The following PIEZO2 variants were observed in gnomAD, a reference collection of about 807,000 sequenced individuals.
PIEZO2 encodes the protein piezo-type mechanosensitive ion channel component 2.
PIEZO2 carries 172 observed loss-of-function variants against 337.3 expected under a neutral mutation model. That is an observed-to-expected ratio of 0.51 (90% confidence interval 0.45 to 0.58). The LOEUF (loss-of-function observed/expected upper bound fraction) is 0.58, where lower values mean the gene tolerates loss of function less well. PIEZO2 is among the 20% of genes least tolerant of loss of function. The probability of loss-of-function intolerance (pLI) is 0.00; values close to 1 mark genes in which losing one functional copy is unlikely to be tolerated. For missense variants in PIEZO2, 3,028 were observed against 3,391.3 expected (o/e 0.89, Z 2.66); for synonymous variants, 1,251 against 1,228.5 (o/e 1.02, Z -0.38).
At chr18:10,704,277 G>C in intron 42 of PIEZO2, 117 bp downstream of exon 42, 1 of 1,325,954 alleles carries the variant, frequency 7.5e-7, no homozygotes, top group Non-Finnish European at 1.0e-6. Flanking sequence ...CATGTTCCAT[G>C]TGAAACTGTC....
Position 10,773,882 on chromosome 18 carries a change from G to A in PIEZO2, c.2567+124C>T. 1 of 636,138 alleles carries A rather than the reference G, an allele frequency of 1.6e-6. No individual in the cohort carries two copies. Among genetic ancestry groups the A allele is most frequent in the East Asian group, 2.7e-5 (1 of 36,818 alleles). 39.4% of individuals were successfully genotyped at this position (636,138 alleles called of 1,614,324 possible). On this transcript the variant is annotated intron_variant, in intron 19 of 55. Coordinates refer to ENST00000674853, the MANE Select transcript of PIEZO2 (RefSeq NM_001378183.1). This position sits in a 1 kb window ranked among gnomAD's most constrained non-coding sequence, Gnocchi z 5.3. ...CGGGTTCTAGTGATTAGTTGGTAAT[G>A]AGAGCTATCAACACCTAAACTTGAC...
At chr18:11,088,984 C>T (rs140922986) in intron 1 of PIEZO2, among the ~76,000 whole-genome samples, 164 of 152,292 alleles carry the variant, frequency 1.1e-3, no homozygotes, top group African/African-American at 3.4e-3. Context: ...GTTTAAATTA[C>T]CATAGAAACC....
At position 10,795,037 on chromosome 18, in the gene PIEZO2, C is replaced by A; in HGVS notation, c.1528-35G>T. 1 of 1,504,106 alleles carries A rather than the reference C, an allele frequency of 6.6e-7. No homozygotes were observed. 93.2% of individuals were successfully genotyped at this position (1,504,106 alleles called of 1,614,324 possible). On this transcript the variant is annotated intron_variant, in intron 12 of 55. Transcript: ENST00000674853. This position sits in a 1 kb window ranked among gnomAD's most constrained non-coding sequence, Gnocchi z 4.4. ...ACAGAAAAGGAAACACGACCATGGT[C>A]AATACAATGCTCAGTCCCCCCCGCC... is the stretch of plus-strand genomic sequence containing the variant.
chr18:10,748,011 C>T lies in PIEZO2; in HGVS notation c.4424+460G>A, dbSNP rs1256713686. 6.6e-6 allele frequency among the ~76,000 whole-genome samples: 1 copy of T among 151,868 alleles called. No individual in the cohort carries two copies. The highest frequency in any genetic ancestry group is 1.5e-5 in the Non-Finnish European group (1 of 67,986). ...GTCTTTTTTCCTAAACTTACAAGAG[C>T]AGGGGCAAAAACTGGAAGAAGAATG... On this transcript the variant is annotated intron_variant, in intron 30 of 55. Transcript: ENST00000674853. This position sits in a 1 kb window ranked among gnomAD's most constrained non-coding sequence, Gnocchi z 5.1.
intron 2 of PIEZO2, among the ~76,000 whole-genome samples, chr18:10,985,589 C>G (rs1302373997): frequency 6.6e-6 from 1 of 152,018 alleles, no homozygotes; most frequent in Non-Finnish European, 1.5e-5. Flanking sequence ...ATTACTATAG[C>G]TTCGTAATAC....
At position 11,127,103 on chromosome 18, in the gene PIEZO2, C is replaced by A. The variant is rs1338436750; in HGVS notation, c.64+21422G>T. On this transcript the variant is annotated intron_variant, in intron 1 of 55. Transcript: ENST00000674853. The surrounding 1 kb of genome is among the most constrained non-coding windows in gnomAD (Gnocchi z 4.5). ...AGGCAGATATTACTAACCAAACTCA[C>A]TAACATGAAAGAATTGAGACAGAGT... Among the ~76,000 whole-genome samples the A allele has an allele frequency of 6.6e-6, 1 of 152,048 alleles. No homozygotes were observed. The highest frequency in any genetic ancestry group is 1.5e-5 in the Non-Finnish European group (1 of 68,004).
At chr18:10,694,424 T>C (rs2034994882) in intron 47 of PIEZO2, among the ~76,000 whole-genome samples, 1 of 152,214 alleles carries the variant, frequency 6.6e-6, no homozygotes, top group Non-Finnish European at 1.5e-5. Context: ...TTAGCCTGCC[T>C]GTTTGATATG....
At chr18:10,751,897 T>C (rs1598432644) in intron 28 of PIEZO2, among the ~76,000 whole-genome samples, 1 of 152,236 alleles carries the variant, frequency 6.6e-6, no homozygotes, top group East Asian at 1.9e-4. Flanking sequence ...GAATTACTAG[T>C]GGGCAGTGTG....
At chr18:10,764,968 G>A (rs899288720) in intron 21 of PIEZO2, among the ~76,000 whole-genome samples, 3 of 152,208 alleles carry the variant, frequency 2.0e-5, no homozygotes, top group Non-Finnish European at 2.9e-5. Flanking sequence ...ACTCAGTTAT[G>A]TCTGTTATTA....
chr18:11,103,831 G>A (rs1386776779), intron 1 of PIEZO2, among the ~76,000 whole-genome samples: 1 of 152,020 alleles, frequency 6.6e-6, no homozygotes, highest in Non-Finnish European at 1.5e-5. Context: ...GTGTGCGTGT[G>A]TGTGTGTGAC....
chr18:10,951,019 A>G (rs950333460), intron 3 of PIEZO2, among the ~76,000 whole-genome samples: 3 of 152,062 alleles, frequency 2.0e-5, no homozygotes, highest in African/African-American at 4.8e-5. Flanking sequence ...AAGCTGGGGG[A>G]AAAAAACACT....
At chr18:10,967,010 T>TG in intron 3 of PIEZO2, among the ~76,000 whole-genome samples, 1 of 146,728 alleles carries the variant, frequency 6.8e-6, no homozygotes. Flanking sequence ...ACATTTTCTC[T>TG]GTTTTTTGTT....
intron 2 of PIEZO2, among the ~76,000 whole-genome samples, chr18:11,045,014 G>A (rs2037251524): frequency 6.6e-6 from 1 of 151,650 alleles, no homozygotes; most frequent in Non-Finnish European, 1.5e-5. Flanking sequence ...AACTTACTGG[G>A]GCCAGGCACG....
intron 2 of PIEZO2, among the ~76,000 whole-genome samples, chr18:11,007,633 C>T (rs2035766749): frequency 6.6e-6 from 1 of 151,968 alleles, no homozygotes; most frequent in Admixed American, 6.6e-5. Flanking sequence ...AAAAAGAATA[C>T]ATTAAGTAAG....
At chr18:10,886,202 A>C (rs1456152560) in intron 4 of PIEZO2, among the ~76,000 whole-genome samples, 1 of 147,938 alleles carries the variant, frequency 6.8e-6, no homozygotes, top group Non-Finnish European at 1.5e-5. Flanking sequence ...CATTTGTGTC[A>C]GATAAGTAAA....
At chr18:10,762,447 G>C (rs570355824) in intron 23 of PIEZO2, 53 bp downstream of exon 23, 1 of 1,512,078 alleles carries the variant, frequency 6.6e-7, no homozygotes, top group Admixed American at 2.2e-5. Flanking sequence ...AAAGAATCCT[G>C]AACTATTATA....
chr18:10,730,836 C>G (rs1003842287), intron 36 of PIEZO2, among the ~76,000 whole-genome samples: 2 of 152,140 alleles, frequency 1.3e-5, no homozygotes, highest in African/African-American at 4.8e-5. Flanking sequence ...ACGCCGTTCT[C>G]CTGCCTCAGC....
At chr18:10,907,496 C>T (rs2030061775) in intron 4 of PIEZO2, among the ~76,000 whole-genome samples, 1 of 152,012 alleles carries the variant, frequency 6.6e-6, no homozygotes, top group Admixed American at 6.6e-5. Context: ...GATGAAAGCA[C>T]TGTGAGAATG....
intron 3 of PIEZO2, among the ~76,000 whole-genome samples, chr18:10,922,890 T>C (rs546227525): frequency 6.6e-6 from 1 of 152,226 alleles, no homozygotes; most frequent in Non-Finnish European, 1.5e-5. Flanking sequence ...ATTTAGAAAA[T>C]ACTTAAGCAT....
Sources: allele counts gnomAD v4.1 joint callset (sites outside exome capture counted in the v4.1 genomes callset), GRCh38; gene constraint gnomAD v4.1.1; non-coding constraint Gnocchi (gnomAD v3.1); transcripts MANE v1.5; gene names NCBI Gene and HGNC (gene_info 2026-07-23, HGNC 2026-07-21).